Variants in FIG4 observed in about 807,000 individuals in gnomAD.
FIG4 encodes the protein polyphosphoinositide phosphatase.
Under a neutral mutation model 118.6 loss-of-function variants are expected in FIG4, and 112 were observed. The ratio of observed to expected loss-of-function variants is 0.94; its 90% CI spans 0.81 to 1.11. FIG4 has a LOEUF of 1.11. FIG4 is among the 50% of genes least tolerant of loss of function. FIG4 has a pLI of 0.00. For synonymous variants in FIG4, 369 were observed against 381.2 expected (o/e 0.97, Z 0.37); for missense variants, 969 against 1,111.7 (o/e 0.87, Z 1.83).
chr6:109,732,479 A>G (rs1776031283), intron 4 of FIG4, among the ~76,000 whole-genome samples, 158 bp from the exon 5 acceptor site: 1 of 152,234 alleles, frequency 6.6e-6, no homozygotes, highest in African/African-American at 2.4e-5. Flanking sequence ...CAATAGACCT[A>G]GAATTGCTTT....
intron 3 of FIG4, among the ~76,000 whole-genome samples, chr6:109,722,023 ATATT>A (rs748896200): frequency 1.3e-5 from 2 of 152,182 alleles, no homozygotes; most frequent in Non-Finnish European, 2.9e-5. Context: ...TATCTTGTAA[ATATT>A]TATTATTTAA....
chr6:109,764,121 C>T (rs920401057), intron 13 of FIG4, 139 bp downstream of exon 13: 4 of 665,276 alleles, frequency 6.0e-6, no homozygotes, highest in Middle Eastern at 2.6e-4. Flanking sequence ...AAAAGCCTTA[C>T]TTCTAGTCTT....
chr6:109,760,359 G>A lies in FIG4; in HGVS notation c.1247G>A (p.Trp416Ter). The A allele has an allele frequency of 6.2e-7, 1 of 1,613,138 alleles. No individual in the cohort carries two copies. The highest frequency in any genetic ancestry group is 2.2e-5 in the East Asian group (1 of 44,836). ...GAGCACACTATTGTTTATATTCCCT[G>A]GGACATGGCCAAGTATACCAAAAGG... The part of the protein sequence containing the change: ...PPEHTIVYIP[W>*]DMAKYTKSKL... Residue 416 changes from tryptophan (W) to a stop codon, truncating the protein, a stop_gained, in exon 11 of 23, where the codon TGG (tryptophan) becomes TAG (stop). Transcript: ENST00000230124. LOFTEE classifies it high-confidence loss of function.
At chr6:109,705,840 A>T (rs1372545144) in intron 1 of FIG4, among the ~76,000 whole-genome samples, 2 of 152,228 alleles carry the variant, frequency 1.3e-5, no homozygotes, top group African/African-American at 4.8e-5. Flanking sequence ...CTAAAATAGA[A>T]GTTAAAATTA....
intron 1 of FIG4, among the ~76,000 whole-genome samples, chr6:109,693,110 C>A (rs184924779): frequency 1.3e-5 from 2 of 149,338 alleles, no homozygotes; most frequent in African/African-American, 5.0e-5. Flanking sequence ...TCAGTGGTCC[C>A]AATTCTGAAG....
chr6:109,720,672 T>G (rs904417602), intron 3 of FIG4, among the ~76,000 whole-genome samples: 2 of 152,232 alleles, frequency 1.3e-5, no homozygotes, highest in Non-Finnish European at 2.9e-5. Context: ...TGTGGGGCAA[T>G]CTAAATTGTT....
rs200859275 is a variant in FIG4 at position 109,784,944 on chromosome 6, C to CT, written c.1890-17dup. ...AAACCAACATTTACATTTGGTTCATCTTTTTTTTTAATTTTTATTTTATAG... is the reference window on the plus strand; with the variant it reads ...AAACCAACATTTACATTTGGTTCATCTTTTTTTTTTAATTTTTATTTTATAG... On this transcript the variant is annotated intron_variant, in intron 16 of 22. Transcript: ENST00000230124. The CT allele has an allele frequency of 1.5e-3, 1,901 of 1,284,390 alleles. 6 individuals are homozygous for CT. Among genetic ancestry groups the CT allele is most frequent in the East Asian group, 0.014 (583 of 42,528 alleles). The allele number at this position is 1,284,390 out of a possible 1,614,324, so 79.6% of individuals were successfully genotyped here. A position where few individuals can be genotyped will look rare whatever the true frequency, so the allele number is the denominator to read the frequency against.
chr6:109,731,164 C>G (rs1775988328), intron 4 of FIG4, among the ~76,000 whole-genome samples: 1 of 152,142 alleles, frequency 6.6e-6, no homozygotes, highest in Non-Finnish European at 1.5e-5. Context: ...TGGGAATAAT[C>G]AGAATATCTG....
At chr6:109,721,284 A>G (rs547591401) in intron 3 of FIG4, among the ~76,000 whole-genome samples, 155 of 152,288 alleles carry the variant, frequency 1.0e-3, no homozygotes, top group Middle Eastern at 3.4e-3. Flanking sequence ...CTTTGGTTCC[A>G]GAGAGCTCTG....
At chr6:109,714,994 T>C in intron 1 of FIG4, 84 bp from the exon 2 acceptor site, 1 of 721,190 alleles carries the variant, frequency 1.4e-6, no homozygotes, top group Non-Finnish European at 2.4e-6. Context: ...TATTAATGTA[T>C]TTAATTTCAA....
chr6:109,703,584 A>G (rs1036503503), intron 1 of FIG4, among the ~76,000 whole-genome samples: 2 of 152,100 alleles, frequency 1.3e-5, no homozygotes, highest in African/African-American at 4.8e-5. Flanking sequence ...AAACTTTACT[A>G]TGGTTTTAGT....
At chr6:109,705,445 CA>C (rs574198723) in intron 1 of FIG4, among the ~76,000 whole-genome samples, 428 of 152,256 alleles carry the variant, frequency 2.8e-3, no homozygotes, top group African/African-American at 9.9e-3. Context: ...ATTCTCTGCA[CA>C]AAACGTTTTT....
chr6:109,729,773 C>CAA (rs11305700), intron 4 of FIG4, among the ~76,000 whole-genome samples: 9 of 111,272 alleles, frequency 8.1e-5, no homozygotes, highest in African/African-American at 2.2e-4. Flanking sequence ...GACCCTGCCT[C>CAA]AAAAAAAAAA....
intron 22 of FIG4, among the ~76,000 whole-genome samples, chr6:109,812,732 T>C (rs1045407673): frequency 6.6e-6 from 1 of 152,078 alleles, no homozygotes; most frequent in African/African-American, 2.4e-5. Context: ...TAAGAGAGCA[T>C]CAGGAGTAGA....
intron 1 of FIG4, among the ~76,000 whole-genome samples, chr6:109,714,735 G>A (rs1775374624): frequency 6.6e-6 from 1 of 152,146 alleles, no homozygotes; most frequent in African/African-American, 2.4e-5. Context: ...TTGAGCTTTA[G>A]AATTTTTACC....
intron 15 of FIG4, among the ~76,000 whole-genome samples, chr6:109,774,746 T>C (rs989637762): frequency 6.6e-6 from 1 of 152,184 alleles, no homozygotes; most frequent in African/African-American, 2.4e-5. Flanking sequence ...AAATTGTGTG[T>C]ACCTGTTTTT....
chr6:109,727,369 G>A, intron 4 of FIG4, 104 bp downstream of exon 4: 3 of 915,994 alleles, frequency 3.3e-6, no homozygotes, highest in South Asian at 1.4e-5. Flanking sequence ...GCTTGCTGTA[G>A]CCTTGGCCTC....
At chr6:109,753,061 A>G (rs1235636800) in intron 10 of FIG4, among the ~76,000 whole-genome samples, 2 of 152,174 alleles carry the variant, frequency 1.3e-5, no homozygotes, top group Non-Finnish European at 2.9e-5. Context: ...ACATATGGCT[A>G]GCCAGTTTTC....
At chr6:109,732,590 A>G (rs1361335386) in intron 4 of FIG4, 47 bp from the exon 5 acceptor site, 1 of 967,326 alleles carries the variant, frequency 1.0e-6, no homozygotes, top group Non-Finnish European at 1.6e-6. Flanking sequence ...ACTGTGAGAA[A>G]TAATAGTATT....
Sources: gnomAD v4.1 joint callset for allele counts (sites outside exome capture counted in the v4.1 genomes callset) on GRCh38, gnomAD v4.1.1 for gene constraint, MANE v1.5 for transcripts, NCBI Gene and HGNC (gene_info 2026-07-23, HGNC 2026-07-21) for gene names.